The following ZSCAN20 variants were observed in gnomAD, a reference collection of about 807,000 sequenced individuals.
ZSCAN20 encodes the protein zinc finger and SCAN domain-containing protein 20.
ZSCAN20 carries 39 observed loss-of-function variants against 97.1 expected under a neutral mutation model. That is an observed-to-expected ratio of 0.40 (90% CI 0.31 to 0.52). The LOEUF (loss-of-function observed/expected upper bound fraction) is 0.52. Ranked by LOEUF, ZSCAN20 falls within the 20% of genes least tolerant of loss-of-function variation. The pLI is 0.49. For synonymous variants in ZSCAN20, 456 were observed against 467.3 expected (o/e 0.98, Z 0.31); for missense variants, 1,115 against 1,290.4 (o/e 0.86, Z 2.08).
At position 33,494,850 on chromosome 1, in the gene ZSCAN20, T is replaced by C. The variant is rs1279098657; in HGVS notation, c.2506T>C (p.Ser836Pro). The C allele has an allele frequency of 6.2e-7, 1 of 1,614,150 alleles. No homozygotes were observed. The highest frequency in any genetic ancestry group is 1.1e-5 in the South Asian group (1 of 91,078). ...EPGGNFAQSP[S>P]FSAHWRNSTE... ...TGGGGGAAACTTTGCCCAAAGCCCA[T>C]CTTTTAGTGCTCACTGGAGGAATTC... Residue 836 changes from serine to proline, a missense_variant, in exon 8 of 8, where the codon TCT becomes CCT. Physicochemically the swap from Ser to Pro is moderately conservative, Grantham distance 74 (BLOSUM62 -1). Coordinates refer to ENST00000684572, the MANE Select transcript of ZSCAN20 (RefSeq NM_001377376.1).
At chr1:33,481,659 A>G (rs370654919) in intron 2 of ZSCAN20, among the ~76,000 whole-genome samples, 3 of 152,174 alleles carry the variant, frequency 2.0e-5, no homozygotes, top group African/African-American at 7.2e-5. Context: ...TCAAGTCTTA[A>G]TAATGGGATG....
chr1:33,475,354 CAGTT>C (rs943262921), intron 1 of ZSCAN20, among the ~76,000 whole-genome samples: 108 of 152,326 alleles, frequency 7.1e-4, no homozygotes, highest in African/African-American at 2.6e-3. Flanking sequence ...CCAAAAATCA[CAGTT>C]AGTTTGAAAA....
chr1:33,479,748 A>G, intron 2 of ZSCAN20, 43 bp downstream of exon 2: 1 of 1,459,726 alleles, frequency 6.9e-7, no homozygotes, highest in Non-Finnish European at 9.1e-7. Context: ...GGGTCAGGCA[A>G]GGCAGCAGGG....
rs747091511 is a variant in ZSCAN20, at chr1:33,491,060, A to G, written c.802A>G (p.Lys268Glu). 6.2e-7 allele frequency: 1 copy of G among 1,608,358 alleles called. No homozygotes were observed. Among genetic ancestry groups the G allele is most frequent in the Non-Finnish European group, 8.5e-7 (1 of 1,178,436 alleles). The change falls in exon 6 of 8, where the codon AAA (lysine) becomes GAA (glutamate). Residue 268 changes from lysine to glutamate, a missense_variant. Lys to Glu is a moderately conservative substitution (Grantham distance 56). Around this residue, in one of 3 missense-constraint regions of ZSCAN20, gnomAD observed 508 missense variants for 611.2 expected, o/e 0.83. Coordinates refer to ENST00000684572, the MANE Select transcript of ZSCAN20 (RefSeq NM_001377376.1). This position sits in a 1 kb window ranked among gnomAD's most constrained non-coding sequence, Gnocchi z 4.3. ...PVSKPSNTSE[K>E]EQGPEFWGLS... is the part of the protein sequence containing the mutation. ...TTCAAAACCAAGTAATACCTCCGAG[A>G]AAGAGCAAGGACCAGAGTTTTGGGG...
rs1445568949 is a variant in ZSCAN20, at chr1:33,498,661, C to T, written c.*3185C>T. Among the ~76,000 whole-genome samples the T allele has an allele frequency of 6.6e-6, 1 of 152,190 alleles. No homozygotes were observed. On this transcript the variant is annotated 3_prime_UTR_variant, in exon 8 of 8. Transcript: ENST00000684572. ...GTGGACAGTTTCTCAGCCTTCCTGG[C>T]CACAGGTCAGACCCTGGTTATGGAA... is the stretch of plus-strand genomic sequence containing the variant.
At chr1:33,488,707 G>A (rs1652469887) in intron 3 of ZSCAN20, 56 bp downstream of exon 3, 2 of 1,565,002 alleles carry the variant, frequency 1.3e-6, no homozygotes, top group South Asian at 1.2e-5. Flanking sequence ...AGAGGGATGG[G>A]AGGTGAGGAA....
chr1:33,493,745 T>C lies in ZSCAN20; in HGVS notation c.1873+130T>C. On this transcript the variant is annotated intron_variant, in intron 7 of 7. Transcript: ENST00000684572. The surrounding 1 kb of genome is among the most constrained non-coding windows in gnomAD (Gnocchi z 4.3). Reference sequence around the variant, plus strand: ...ATTGAATGGGAAAAAGTATTTCTGCTTTGCTCAGATTATCCAGTCTCTAGC... The same window carrying C: ...ATTGAATGGGAAAAAGTATTTCTGCCTTGCTCAGATTATCCAGTCTCTAGC... The C allele has an allele frequency of 9.8e-7, 1 of 1,022,510 alleles. No individual in the cohort carries two copies. The highest frequency in any genetic ancestry group is 2.8e-5 in the Admixed American group (1 of 36,206). 63.3% of individuals were successfully genotyped at this position (1,022,510 alleles called of 1,614,324 possible).
In ZSCAN20 at chr1:33,501,150, C is replaced by G. The variant is rs1432839607; in HGVS notation, c.*5674C>G. The stretch of plus-strand genomic sequence containing the variant: ...TTGAGAGGAAAGGGCTTGTTCATGA[C>G]CACGTATGAGGTCGCCAACCCAACC... On this transcript the variant is annotated 3_prime_UTR_variant, in exon 8 of 8. Coordinates refer to ENST00000684572, the MANE Select transcript of ZSCAN20 (RefSeq NM_001377376.1). 6.6e-6 allele frequency among the ~76,000 whole-genome samples: 1 copy of G among 152,156 alleles called. No individual in the cohort carries two copies. The highest frequency in any genetic ancestry group is 2.4e-5 in the African/African-American group (1 of 41,442).
rs4403594 is a variant in ZSCAN20, at chr1:33,491,552, T to G, written c.1294T>G (p.Tyr432Asp). Residue 432 changes from tyrosine to aspartate, a missense_variant, in exon 6 of 8, where the codon TAT becomes GAT. Coordinates refer to ENST00000684572, the MANE Select transcript of ZSCAN20 (RefSeq NM_001377376.1). This position sits in a 1 kb window ranked among gnomAD's most constrained non-coding sequence, Gnocchi z 4.3. ...GGCCGTGGCACTTCCCAGGCTCGGG[T>G]ATAGTGACGCAGAGATGGATGAGCA... ...GEAVALPRLG[Y>D]SDAEMDEQEE... 1 allele frequency: 1,607,571 copies of G among 1,614,176 alleles called. 800,506 individuals carry two copies. The highest frequency in any genetic ancestry group is 1 in the East Asian group (44,870 of 44,870).
intron 2 of ZSCAN20, among the ~76,000 whole-genome samples, chr1:33,481,081 T>C (rs937161339): frequency 3.3e-5 from 5 of 152,346 alleles, no homozygotes; most frequent in African/African-American, 1.2e-4. Flanking sequence ...CCGGTGACTT[T>C]GCTCTTTGGA....
Position 33,494,812 on chromosome 1 carries a change from A to C in ZSCAN20, c.2468A>C (p.Gln823Pro), listed in dbSNP as rs747000041. The C allele has an allele frequency of 2.5e-6, 4 of 1,614,208 alleles. No individual in the cohort carries two copies. The highest frequency in any genetic ancestry group is 3.4e-6 in the Non-Finnish European group (4 of 1,180,042). Residue 823 changes from glutamine (Q) to proline (P), a missense_variant, in exon 8 of 8, where the codon CAG becomes CCG. Transcript: ENST00000684572. ...ATCCACTTGGGAGGAAATCCTGACC[A>C]GTGTAGTGAGCCTGGGGGAAACTTT... ...QRIHLGGNPD[Q>P]CSEPGGNFAQ...
Position 33,479,510 on chromosome 1 carries a change from T to A in ZSCAN20, c.222T>A (p.Ala74=). ...GPHEAFSQLW[A]LCCRWLRPEI... is the part of the protein sequence containing the mutation. ...ACGAGGCCTTCAGCCAGCTCTGGGCTCTCTGCTGTCGTTGGCTGAGGCCGG... is the reference window on the plus strand; with the variant it reads ...ACGAGGCCTTCAGCCAGCTCTGGGCACTCTGCTGTCGTTGGCTGAGGCCGG... The change falls in exon 2 of 8, where the codon GCT becomes GCA. Residue 74 remains alanine, a synonymous_variant. Transcript: ENST00000684572. 6.2e-7 allele frequency: 1 copy of A among 1,613,276 alleles called. No homozygotes were observed. Among genetic ancestry groups the A allele is most frequent in the Non-Finnish European group, 8.5e-7 (1 of 1,179,452 alleles).
intron 5 of ZSCAN20, among the ~76,000 whole-genome samples, chr1:33,490,684 C>CACA (rs57345949): frequency 0.29 from 37,027 of 127,286 alleles, 4,958 homozygotes; most frequent in Middle Eastern, 0.38. Flanking sequence ...CACACACACA[C>CACA]CACACACCCT....
At chr1:33,485,620 C>T (rs1168662737) in intron 2 of ZSCAN20, among the ~76,000 whole-genome samples, 1 of 151,718 alleles carries the variant, frequency 6.6e-6, no homozygotes, top group South Asian at 2.1e-4. Context: ...CACCACGTTT[C>T]CCAAGCTGGT....
chr1:33,474,557 T>G (rs1651850744), intron 1 of ZSCAN20, among the ~76,000 whole-genome samples: 2 of 152,222 alleles, frequency 1.3e-5, no homozygotes, highest in Admixed American at 6.5e-5. Flanking sequence ...CCTCATGACC[T>G]GGGAGGCTCT....
In ZSCAN20 at chr1:33,490,650, A is replaced by AACACACACACACAC. The variant is rs372552175; in HGVS notation, c.767-354_767-341dup. Among the ~76,000 whole-genome samples the AACACACACACACAC allele has an allele frequency of 5.0e-5, 7 of 141,202 alleles. No individual in the cohort carries two copies. In the East Asian group the frequency reaches 1.1e-3, roughly 22 times the overall value. 92.6% of individuals were successfully genotyped at this position (141,202 alleles called of 152,430 possible). Reference sequence around the variant, plus strand: ...AGGACAGAGACTCACTACACACACAAACACACACACACACACACACACACA... The same window carrying AACACACACACACAC: ...AGGACAGAGACTCACTACACACACAAACACACACACACACACACACACACACACACACACACACA... On this transcript the variant is annotated intron_variant, in intron 5 of 7. Coordinates refer to ENST00000684572, the MANE Select transcript of ZSCAN20 (RefSeq NM_001377376.1).
In ZSCAN20 at chr1:33,495,473, G is replaced by A. The variant is rs183670019; in HGVS notation, c.3129G>A (p.Ser1043=). Residue 1043 remains serine, a synonymous_variant, in exon 8 of 8, where the codon TCG becomes TCA. Coordinates refer to ENST00000684572, the MANE Select transcript of ZSCAN20 (RefSeq NM_001377376.1). Reference sequence around the variant, plus strand: ...GAACCCATGCAGGAGGGAAGGCGTCGTAGGGGACAGTTTCCTCAACAACAA... The same window carrying A: ...GAACCCATGCAGGAGGGAAGGCGTCATAGGGGACAGTTTCCTCAACAACAA... ...HRRTHAGGKA[S] is the part of the protein sequence containing the mutation. The A allele has an allele frequency of 1.0e-4, 158 of 1,512,148 alleles. No individual in the cohort carries two copies. Among genetic ancestry groups the A allele is most frequent in the South Asian group, 9.8e-4 (71 of 72,722 alleles). The allele number at this position is 1,512,148 out of a possible 1,614,324, so 93.7% of individuals were successfully genotyped here. A position where few individuals can be genotyped will look rare whatever the true frequency, so the allele number is the denominator to read the frequency against.
In ZSCAN20 at chr1:33,497,195, C is replaced by A. The variant is rs1318730700; in HGVS notation, c.*1719C>A. Among the ~76,000 whole-genome samples, 3 of 152,166 alleles carry A rather than the reference C, an allele frequency of 2.0e-5. No individual in the cohort carries two copies. The highest frequency in any genetic ancestry group is 4.4e-5 in the Non-Finnish European group (3 of 68,030). ...CCCACAGAGTGATATCCCTTCTTAA[C>A]CCCTTCCCCTGCTTCAGAACCTCCT... On this transcript the variant is annotated 3_prime_UTR_variant, in exon 8 of 8. Coordinates refer to ENST00000684572, the MANE Select transcript of ZSCAN20 (RefSeq NM_001377376.1).
intron 1 of ZSCAN20, among the ~76,000 whole-genome samples, chr1:33,473,654 C>T (rs1252505825): frequency 6.6e-6 from 1 of 152,094 alleles, no homozygotes; most frequent in Admixed American, 6.6e-5. Flanking sequence ...CCTTCTTTGC[C>T]AAGAGAACTT....
Sources: allele counts gnomAD v4.1 joint callset (sites outside exome capture counted in the v4.1 genomes callset), GRCh38; gene constraint gnomAD v4.1.1; regional missense constraint gnomAD v4.1.1; non-coding constraint Gnocchi (gnomAD v3.1); transcripts MANE v1.5; gene names NCBI Gene and HGNC (gene_info 2026-07-23, HGNC 2026-07-21).